RPA3: variants seen among roughly 807,000 people sequenced by gnomAD.
The protein encoded by RPA3 is replication protein A 14 kDa subunit.
A neutral mutation model predicts 13.7 loss-of-function variants in RPA3; 24 were observed. That is an observed-to-expected ratio of 1.75 (90% CI 1.27 to 2.46). The LOEUF is 2.46. Among genes scored for constraint, RPA3 ranks in the 30% most tolerant of loss-of-function variants. The probability of loss-of-function intolerance (pLI) is 0.00; values close to 1 mark genes in which losing one functional copy is unlikely to be tolerated. For missense variants in RPA3, 183 were observed against 151.0 expected (o/e 1.21, Z -1.11); for synonymous variants, 59 against 51.2 (o/e 1.15, Z -0.65).
chr7:7,639,261 T>C (rs1784914259), intron 5 of RPA3, 117 bp from the exon 6 acceptor site: 1 of 635,192 alleles, frequency 1.6e-6, no homozygotes, highest in Non-Finnish European at 2.7e-6. Context: ...AGTTTATTCA[T>C]TCAGTTTATT....
intron 1 of RPA3, among the ~76,000 whole-genome samples, chr7:7,716,645 A>G (rs891831072): frequency 2.0e-5 from 3 of 152,198 alleles, no homozygotes; most frequent in African/African-American, 7.2e-5. Context: ...CTAGTAAAAG[A>G]TTAGGGTGGA....
At chr7:7,688,936 A>G (rs1229187813) in intron 2 of RPA3, among the ~76,000 whole-genome samples, 2 of 152,180 alleles carry the variant, frequency 1.3e-5, no homozygotes, top group African/African-American at 4.8e-5. Context: ...TTGTTAACTT[A>G]TCTATTACTT....
rs551442542 is a variant in RPA3 at position 7,698,695 on chromosome 7, C to A, written c.-1027-11367G>T. ...AATTTGGTTTGGAGCATCCTTTCAA[C>A]CTTCTTTCTCCAGCTCTTAATAATT... is the stretch of plus-strand genomic sequence containing the variant. On this transcript the variant is annotated intron_variant, in intron 2 of 7. Coordinates refer to ENST00000223129, the MANE Select transcript of RPA3 (RefSeq NM_002947.5). Among the ~76,000 whole-genome samples the A allele has an allele frequency of 6.6e-5, 10 of 151,824 alleles. No homozygotes were observed. The South Asian group carries it at 2.1e-3, about 32-fold the overall frequency.
intron 4 of RPA3, among the ~76,000 whole-genome samples, chr7:7,681,920 T>G (rs1208332444): frequency 6.6e-6 from 1 of 152,164 alleles, no homozygotes; most frequent in Non-Finnish European, 1.5e-5. Context: ...AAGCATGAAT[T>G]AGCTTATTAT....
intron 4 of RPA3, among the ~76,000 whole-genome samples, chr7:7,658,466 T>C (rs1785397525): frequency 6.6e-6 from 1 of 152,228 alleles, no homozygotes; most frequent in Non-Finnish European, 1.5e-5. Flanking sequence ...ATAGCTCTTA[T>C]TATTTTGAGA....
At chr7:7,672,293 G>C (rs879936573) in intron 4 of RPA3, among the ~76,000 whole-genome samples, 1 of 152,116 alleles carries the variant, frequency 6.6e-6, no homozygotes, top group Non-Finnish European at 1.5e-5. Flanking sequence ...TTGTTTTCTA[G>C]AAATTGTTGG....
At chr7:7,711,057 A>G (rs1248812454) in intron 2 of RPA3, among the ~76,000 whole-genome samples, 1 of 152,164 alleles carries the variant, frequency 6.6e-6, no homozygotes, top group Non-Finnish European at 1.5e-5. Flanking sequence ...GTTAGAGGCA[A>G]GTGTGTGTGG....
intron 4 of RPA3, among the ~76,000 whole-genome samples, chr7:7,648,395 A>G (rs1210445828): frequency 6.6e-6 from 1 of 151,926 alleles, no homozygotes; most frequent in Non-Finnish European, 1.5e-5. Flanking sequence ...TTGTATTCTT[A>G]TGTTCCAGGT....
intron 2 of RPA3, among the ~76,000 whole-genome samples, chr7:7,711,369 A>G (rs536575480): frequency 8.5e-5 from 13 of 152,242 alleles, no homozygotes; most frequent in Non-Finnish European, 1.6e-4. Flanking sequence ...GGGAGGAATT[A>G]CAGGCTATGC....
intron 2 of RPA3, among the ~76,000 whole-genome samples, chr7:7,699,988 T>A (rs1321169865): frequency 6.6e-6 from 1 of 152,246 alleles, no homozygotes; most frequent in Non-Finnish European, 1.5e-5. Flanking sequence ...TCTCATGAAG[T>A]AAGTGTGGTG....
At chr7:7,712,689 G>A (rs1270081517) in intron 2 of RPA3, among the ~76,000 whole-genome samples, 3 of 152,084 alleles carry the variant, frequency 2.0e-5, no homozygotes, top group Non-Finnish European at 4.4e-5. Context: ...TTACTGCATG[G>A]TCTAGGACCT....
intron 4 of RPA3, among the ~76,000 whole-genome samples, chr7:7,669,254 G>A (rs530235938): frequency 2.0e-5 from 3 of 152,158 alleles, no homozygotes; most frequent in African/African-American, 4.8e-5. Flanking sequence ...GATTGTATAC[G>A]GTATTTTGAT....
intron 2 of RPA3, among the ~76,000 whole-genome samples, chr7:7,688,868 G>C (rs1025982689): frequency 6.6e-6 from 1 of 151,976 alleles, no homozygotes; most frequent in Non-Finnish European, 1.5e-5. Flanking sequence ...TTTAATATTT[G>C]GTTAGAAAAC....
chr7:7,657,976 C>G (rs1048418336), intron 4 of RPA3, among the ~76,000 whole-genome samples: 18 of 152,152 alleles, frequency 1.2e-4, no homozygotes, highest in Non-Finnish European at 2.2e-4. Flanking sequence ...TTTGTGTCCT[C>G]TCCTATTTCC....
rs1382100904 is a variant in RPA3 at position 7,637,932 on chromosome 7, C to T, written c.215G>A (p.Arg72Lys). 1.2e-6 allele frequency: 2 copies of T among 1,613,652 alleles called. No individual in the cohort carries two copies. The highest frequency in any genetic ancestry group is 1.7e-6 in the Non-Finnish European group (2 of 1,179,740). Residue 72 changes from arginine to lysine, a missense_variant, in exon 7 of 8, where the codon AGA (arginine) becomes AAA (lysine). Transcript: ENST00000223129. ...EISGIVEVVG[R>K]VTAKATILCT... is the part of the protein sequence containing the mutation. ...CAAGATGGTGGCCTTGGCGGTTACT[C>T]TTCCAACCACTTCCACAATTCCAGA...
chr7:7,708,456 T>TACC (rs1780660151), intron 2 of RPA3, among the ~76,000 whole-genome samples: 1 of 152,204 alleles, frequency 6.6e-6, no homozygotes, highest in African/African-American at 2.4e-5. Flanking sequence ...CCCATGTATT[T>TACC]ATTAGACAGC....
intron 4 of RPA3, among the ~76,000 whole-genome samples, chr7:7,646,116 T>C (rs772367517): frequency 4.6e-5 from 7 of 152,236 alleles, no homozygotes; most frequent in African/African-American, 7.2e-5. Context: ...CGTCTGGGAA[T>C]GGCTTAAGTG....
chr7:7,716,576 C>T (rs1191807988), intron 1 of RPA3, among the ~76,000 whole-genome samples: 1 of 152,226 alleles, frequency 6.6e-6, no homozygotes, highest in African/African-American at 2.4e-5. Context: ...TTCTTTGTCA[C>T]CACGTGCACA....
intron 2 of RPA3, among the ~76,000 whole-genome samples, chr7:7,688,850 G>C (rs1207271806): frequency 6.6e-6 from 1 of 152,130 alleles, no homozygotes; most frequent in Admixed American, 6.6e-5. Flanking sequence ...GTAATGACTT[G>C]TAAACCATTT....
Sources: gnomAD v4.1 joint callset for allele counts (sites outside exome capture counted in the v4.1 genomes callset) on GRCh38, gnomAD v4.1.1 for gene constraint, MANE v1.5 for transcripts, NCBI Gene and HGNC (gene_info 2026-07-23, HGNC 2026-07-21) for gene names.